The following VPS45 variants were observed in gnomAD, a reference collection of about 807,000 sequenced individuals.
VPS45 encodes vacuolar protein sorting-associated protein 45.
In VPS45, 35 loss-of-function variants were observed where a neutral mutation model predicts 75.9. The ratio of observed to expected loss-of-function variants is 0.46; its 90% CI spans 0.35 to 0.61. The LOEUF (loss-of-function observed/expected upper bound fraction) is 0.61. Ranked by LOEUF, VPS45 falls within the 20% of genes least tolerant of loss-of-function variation. The probability of loss-of-function intolerance (pLI) is 0.00; values close to 1 mark genes in which losing one functional copy is unlikely to be tolerated. For missense variants in VPS45, 559 were observed against 685.9 expected (o/e 0.81, Z 2.07); for synonymous variants, 220 against 238.2 (o/e 0.92, Z 0.70).
intron 13 of VPS45, among the ~76,000 whole-genome samples, chr1:150,101,493 T>C (rs1416499603): frequency 6.6e-6 from 1 of 151,830 alleles, no homozygotes; most frequent in Non-Finnish European, 1.5e-5. Context: ...CCCAGCACTT[T>C]GGGAGGCCGA....
intron 13 of VPS45, among the ~76,000 whole-genome samples, chr1:150,108,001 C>A (rs1256187777): frequency 6.6e-6 from 1 of 152,008 alleles, no homozygotes; most frequent in African/African-American, 2.4e-5. Flanking sequence ...CTTTTTCTCA[C>A]TATGTCCCCA....
intron 2 of VPS45, among the ~76,000 whole-genome samples, chr1:150,070,785 G>A (rs1366700257): frequency 2.0e-5 from 3 of 151,854 alleles, no homozygotes; most frequent in African/African-American, 7.3e-5. Context: ...GTCCAGCCTG[G>A]CGACAGAGCA....
chr1:150,141,365 A>C (rs1659384440), intron 14 of VPS45, among the ~76,000 whole-genome samples: 1 of 152,228 alleles, frequency 6.6e-6, no homozygotes, highest in African/African-American at 2.4e-5. Flanking sequence ...ATAGTGAAAA[A>C]GGAGGAAGAC....
At chr1:150,122,097 G>T (rs1324708118) in intron 14 of VPS45, among the ~76,000 whole-genome samples, 1 of 152,140 alleles carries the variant, frequency 6.6e-6, no homozygotes, top group African/African-American at 2.4e-5. Flanking sequence ...AAGGCGGCCG[G>T]ATCACCTGAG....
At chr1:150,123,334 G>A (rs892974813) in intron 14 of VPS45, among the ~76,000 whole-genome samples, 1 of 152,108 alleles carries the variant, frequency 6.6e-6, no homozygotes, top group Admixed American at 6.6e-5. Context: ...AAACATTTAT[G>A]TACAAGTTTT....
intron 13 of VPS45, 81 bp from the exon 14 acceptor site, chr1:150,110,415 G>A: frequency 7.5e-7 from 1 of 1,326,164 alleles, no homozygotes; most frequent in Non-Finnish European, 1.0e-6. Flanking sequence ...AAAAGATTTA[G>A]AAATTAAAAC....
rs370303904 is a variant in VPS45 at position 150,136,447 on chromosome 1, G to C, written c.1626-8262G>C. ...GTGGACTCCTGTAATCCCAGCTATT[G>C]AGGAGGCTAAGGCAAGAGAATTGCT... On this transcript the variant is annotated intron_variant, in intron 14 of 14. Coordinates refer to ENST00000644510, the MANE Select transcript of VPS45 (RefSeq NM_007259.5). 5.5e-3 allele frequency among the ~76,000 whole-genome samples: 828 copies of C among 151,428 alleles called. 7 individuals carry two copies. Among genetic ancestry groups the C allele is most frequent in the Middle Eastern group, 0.027 (8 of 292 alleles).
Position 150,081,962 on chromosome 1 carries a change from G to A in VPS45, c.901G>A (p.Glu301Lys). ...AGATTTTCAGAAGAAGAAACCAAAA[G>A]AACAGCAAAAACTAGAATCAATAGC... is the stretch of plus-strand genomic sequence containing the variant. ...MEDFQKKKPK[E>K]QQKLESIADM... The change falls in exon 9 of 15, where the codon GAA (glutamate) becomes AAA (lysine). Residue 301 changes from glutamate to lysine, a missense_variant. By Grantham distance (56) the Glu-to-Lys change is moderately conservative. Transcript: ENST00000644510. The A allele has an allele frequency of 1.2e-6, 2 of 1,612,458 alleles. No individual in the cohort carries two copies. Among genetic ancestry groups the A allele is most frequent in the Non-Finnish European group, 1.7e-6 (2 of 1,179,164 alleles).
At chr1:150,086,497 G>GTGTTTTGTTT (rs141768240) in intron 10 of VPS45, among the ~76,000 whole-genome samples, 6 of 151,940 alleles carry the variant, frequency 3.9e-5, no homozygotes, top group African/African-American at 1.2e-4. Context: ...TTTTGTGTGT[G>GTGTTTTGTTT]TGTTTTGTTT....
At chr1:150,114,725 C>T (rs1202559747) in intron 14 of VPS45, among the ~76,000 whole-genome samples, 1 of 151,750 alleles carries the variant, frequency 6.6e-6, no homozygotes, top group Non-Finnish European at 1.5e-5. Context: ...GGCTGGGCAA[C>T]ATGGTGAAAC....
chr1:150,094,043 A>T (rs587710344), intron 13 of VPS45, among the ~76,000 whole-genome samples: 6 of 152,330 alleles, frequency 3.9e-5, no homozygotes, highest in African/African-American at 1.2e-4. Flanking sequence ...ACTTTGCCAA[A>T]TGTTGCCAGC....
In VPS45 at chr1:150,081,405, A is replaced by G. The variant is rs1559907423; in HGVS notation, c.751A>G (p.Arg251Gly). Residue 251 changes from arginine (R) to glycine (G), a missense_variant, in exon 8 of 15, where the codon AGA becomes GGA. Transcript: ENST00000644510. ...GINNNRIDLS[R>G]VPGISKDLRE... ...AAACAACAATCGGATTGATCTTTCC[A>G]GAGTGCCGGGAATCAGTAAAGACTT... The G allele has an allele frequency of 6.2e-7, 1 of 1,609,272 alleles. No individual in the cohort carries two copies. The highest frequency in any genetic ancestry group is 8.5e-7 in the Non-Finnish European group (1 of 1,178,624).
chr1:150,099,456 G>T (rs1279817190), intron 13 of VPS45, among the ~76,000 whole-genome samples: 1 of 151,310 alleles, frequency 6.6e-6, no homozygotes, highest in Middle Eastern at 3.4e-3. Flanking sequence ...AAGTTGTAGT[G>T]AGCCAAGATT....
intron 13 of VPS45, among the ~76,000 whole-genome samples, chr1:150,102,351 A>T (rs587622133): frequency 1.3e-3 from 201 of 152,254 alleles, no homozygotes; most frequent in Non-Finnish European, 2.2e-3. Context: ...GGAGTTCAAG[A>T]CCAGCCTGAC....
chr1:150,108,962 C>G (rs112330588), intron 13 of VPS45, among the ~76,000 whole-genome samples: 2,162 of 152,228 alleles, frequency 0.014, 51 homozygotes, highest in African/African-American at 0.046. Context: ...GTAATTGACA[C>G]TTTACCATAA....
At chr1:150,128,232 G>A (rs775416732) in intron 14 of VPS45, among the ~76,000 whole-genome samples, 9 of 151,380 alleles carry the variant, frequency 5.9e-5, no homozygotes, top group Non-Finnish European at 1.2e-4. Context: ...AGCCCAGGGG[G>A]CAGAGGTTGC....
chr1:150,088,093 T>C (rs1183715255), intron 10 of VPS45, among the ~76,000 whole-genome samples: 4 of 152,204 alleles, frequency 2.6e-5, no homozygotes, highest in African/African-American at 9.6e-5. Flanking sequence ...AAAACCTCTC[T>C]TATAGCTATT....
chr1:150,125,819 CT>C lies in VPS45; in HGVS notation c.1625+15193del, dbSNP rs1328135696. ...TTCTCTGCCTCAGCCTCCCGAGTAG[CT>C]GGGATTATAGGCGCCTGCCACCACT... is the stretch of plus-strand genomic sequence containing the variant. On this transcript the variant is annotated intron_variant, in intron 14 of 14. Coordinates refer to ENST00000644510, the MANE Select transcript of VPS45 (RefSeq NM_007259.5). Among the ~76,000 whole-genome samples, 76 of 152,146 alleles carry C rather than the reference CT, an allele frequency of 5.0e-4. 1 individual carries two copies. The highest frequency in any genetic ancestry group is 1.6e-3 in the African/African-American group (67 of 41,494).
At chr1:150,111,593 A>G (rs1313334811) in intron 14 of VPS45, among the ~76,000 whole-genome samples, 1 of 152,194 alleles carries the variant, frequency 6.6e-6, no homozygotes, top group African/African-American at 2.4e-5. Context: ...ATGATTGTTG[A>G]ATCTAAAGAT....
Sources: allele counts gnomAD v4.1 joint callset (sites outside exome capture counted in the v4.1 genomes callset), GRCh38; gene constraint gnomAD v4.1.1; transcripts MANE v1.5; gene names NCBI Gene and HGNC (gene_info 2026-07-23, HGNC 2026-07-21).